Variants in MECOM observed in about 807,000 individuals in gnomAD.
MECOM encodes histone-lysine N-methyltransferase MECOM.
Under a neutral mutation model 116.3 loss-of-function variants are expected in MECOM, and 13 were observed. The observed-to-expected ratio is 0.11, with a 90% CI of 0.07 to 0.18. The LOEUF (loss-of-function observed/expected upper bound fraction) is 0.18, where lower values mean the gene tolerates loss of function less well. Ranked by LOEUF, MECOM falls within the 10% of genes least tolerant of loss-of-function variation. MECOM has a pLI of 1.00. For missense variants in MECOM, 1,299 were observed against 1,509.0 expected, an observed-to-expected ratio of 0.86 and a Z score of 2.31; for synonymous variants, 528 against 535.2, an observed-to-expected ratio of 0.99 and a Z score of 0.19.
intron 1 of MECOM, among the ~76,000 whole-genome samples, chr3:169,555,415 G>C (rs552463484): frequency 6.6e-6 from 1 of 152,196 alleles, no homozygotes; most frequent in African/African-American, 2.4e-5. Flanking sequence ...CCAGCCCCCC[G>C]CCAATGGAGA....
intron 12 of MECOM, among the ~76,000 whole-genome samples, chr3:169,095,953 G>A (rs1721314671): frequency 6.6e-6 from 1 of 151,884 alleles, no homozygotes; most frequent in African/African-American, 2.4e-5. Context: ...TTTTCTGAAC[G>A]AGTCTCTAGC....
chr3:169,165,421 T>C (rs909659504), intron 2 of MECOM, among the ~76,000 whole-genome samples: 2 of 152,098 alleles, frequency 1.3e-5, no homozygotes, highest in Non-Finnish European at 2.9e-5. Flanking sequence ...TAGTCTATGT[T>C]TTTCATCACT....
At chr3:169,270,416 C>A (rs980753885) in intron 2 of MECOM, among the ~76,000 whole-genome samples, 1 of 151,804 alleles carries the variant, frequency 6.6e-6, no homozygotes, top group Non-Finnish European at 1.5e-5. Flanking sequence ...TACTTATATG[C>A]AATTTATAAT....
chr3:169,094,555 A>G (rs1423418088), intron 13 of MECOM, among the ~76,000 whole-genome samples: 1 of 152,224 alleles, frequency 6.6e-6, no homozygotes, highest in African/African-American at 2.4e-5. Flanking sequence ...ACAAAGCACT[A>G]CTATCATTTG....
At chr3:169,394,076 A>G (rs1401602183) in intron 1 of MECOM, among the ~76,000 whole-genome samples, 1 of 152,168 alleles carries the variant, frequency 6.6e-6, no homozygotes, top group Non-Finnish European at 1.5e-5. Flanking sequence ...ATAATTTAAC[A>G]GGCTTTTGCT....
At chr3:169,162,481 G>A (rs1181473835) in intron 2 of MECOM, among the ~76,000 whole-genome samples, 1 of 152,274 alleles carries the variant, frequency 6.6e-6, no homozygotes. Flanking sequence ...ATAAAGGATG[G>A]CATGGTAGGG....
chr3:169,640,555 G>C (rs558366441), intron 1 of MECOM, among the ~76,000 whole-genome samples: 1 of 152,228 alleles, frequency 6.6e-6, no homozygotes, highest in Non-Finnish European at 1.5e-5. Context: ...CTTCTCTTCT[G>C]TAAGGGGTGG....
chr3:169,179,615 A>G (rs1230758825), intron 2 of MECOM, among the ~76,000 whole-genome samples: 1 of 152,208 alleles, frequency 6.6e-6, no homozygotes, highest in Non-Finnish European at 1.5e-5. Flanking sequence ...TCTCAATATC[A>G]TGCCACTAAA....
At chr3:169,146,290 C>T in intron 2 of MECOM, 1 of 1,260,992 alleles carries the variant, frequency 7.9e-7, no homozygotes, top group African/African-American at 1.5e-5. Context: ...GACAGCAAAG[C>T]TGTTACTTGG....
chr3:169,381,119 A>G, intron 2 of MECOM, 68 bp downstream of exon 2: 2 of 1,381,458 alleles, frequency 1.4e-6, no homozygotes, highest in South Asian at 1.4e-5. Flanking sequence ...TATTTTGTGG[A>G]TGCTTAAACA....
At chr3:169,109,247 C>T (rs566802961) in intron 9 of MECOM, among the ~76,000 whole-genome samples, 81 of 152,268 alleles carry the variant, frequency 5.3e-4, no homozygotes, top group Admixed American at 1.8e-3. Context: ...GCCTCTACAA[C>T]GCTTATTTCT....
At chr3:169,516,310 T>C (rs780467256) in intron 1 of MECOM, among the ~76,000 whole-genome samples, 1 of 152,190 alleles carries the variant, frequency 6.6e-6, no homozygotes, top group Non-Finnish European at 1.5e-5. Flanking sequence ...TCATACGACA[T>C]TACCTAAACT....
chr3:169,167,321 C>T (rs1236423840), intron 2 of MECOM, among the ~76,000 whole-genome samples: 1 of 152,180 alleles, frequency 6.6e-6, no homozygotes, highest in Non-Finnish European at 1.5e-5. Context: ...CCTCACATAA[C>T]TCCTCCAGTT....
At chr3:169,418,928 AT>A (rs1429514663) in intron 1 of MECOM, among the ~76,000 whole-genome samples, 1 of 152,220 alleles carries the variant, frequency 6.6e-6, no homozygotes, top group Non-Finnish European at 1.5e-5. Flanking sequence ...AACAAAGGAT[AT>A]TCAAATAGGA....
At chr3:169,192,957 C>T (rs1452560821) in intron 2 of MECOM, among the ~76,000 whole-genome samples, 1 of 151,872 alleles carries the variant, frequency 6.6e-6, no homozygotes, top group East Asian at 1.9e-4. Flanking sequence ...TCAATAGCAA[C>T]CTAGAAATTA....
intron 10 of MECOM, among the ~76,000 whole-genome samples, chr3:169,107,539 C>T (rs1174607885): frequency 1.3e-5 from 2 of 152,120 alleles, no homozygotes; most frequent in African/African-American, 4.8e-5. Context: ...AGGTTTTATC[C>T]TTTAGAAGGC....
At chr3:169,132,561 G>A (rs1735092529) in intron 3 of MECOM, among the ~76,000 whole-genome samples, 1 of 152,034 alleles carries the variant, frequency 6.6e-6, no homozygotes, top group African/African-American at 2.4e-5. Context: ...AAAGAATGAA[G>A]TTCTACGATT....
At chr3:169,140,645 T>G (rs1009852437) in intron 3 of MECOM, among the ~76,000 whole-genome samples, 2 of 151,066 alleles carry the variant, frequency 1.3e-5, no homozygotes, top group Non-Finnish European at 3.0e-5. Context: ...TAGGCAGCAC[T>G]GACAAGAAAG....
chr3:169,534,885 C>T (rs1267407741), intron 1 of MECOM, among the ~76,000 whole-genome samples: 1 of 152,188 alleles, frequency 6.6e-6, no homozygotes, highest in African/African-American at 2.4e-5. Context: ...TCTGAACCTG[C>T]TACCTCGGAG....
Sources: gnomAD v4.1 joint callset for allele counts (sites outside exome capture counted in the v4.1 genomes callset) on GRCh38, gnomAD v4.1.1 for gene constraint, MANE v1.5 for transcripts, NCBI Gene and HGNC (gene_info 2026-07-23, HGNC 2026-07-21) for gene names.